AMPH: variants seen among roughly 807,000 people sequenced by gnomAD.
AMPH encodes the protein amphiphysin.
AMPH carries 49 observed loss-of-function variants against 99.1 expected under a neutral mutation model. The observed-to-expected ratio is 0.49, with a 90% confidence interval of 0.39 to 0.63. The LOEUF (loss-of-function observed/expected upper bound fraction) is 0.63. Ranked by LOEUF, AMPH falls within the 20% of genes least tolerant of loss-of-function variation. The pLI, the probability that AMPH is intolerant of heterozygous loss-of-function variation, is 0.00. For synonymous variants in AMPH, 314 were observed against 317.3 expected, an observed-to-expected ratio of 0.99 and a Z score of 0.11; for missense variants, 759 against 863.4, an observed-to-expected ratio of 0.88 and a Z score of 1.52.
intron 11 of AMPH, among the ~76,000 whole-genome samples, chr7:38,446,959 A>C (rs189950209): frequency 6.6e-6 from 1 of 152,340 alleles, no homozygotes; most frequent in Admixed American, 6.5e-5. Context: ...TAAAAATCAT[A>C]AATTAAAAAC....
intron 9 of AMPH, among the ~76,000 whole-genome samples, chr7:38,464,874 C>T (rs1170604079): frequency 1.3e-5 from 2 of 152,092 alleles, no homozygotes; most frequent in Admixed American, 1.3e-4. Context: ...GGTGTGCAGC[C>T]GAACCCTGGC....
chr7:38,503,539 A>G (rs1201349964), intron 3 of AMPH, 111 bp downstream of exon 3: 9 of 1,001,062 alleles, frequency 9.0e-6, no homozygotes, highest in South Asian at 2.9e-5. Context: ...TCAAGCATCC[A>G]TCTTGCCAGG....
chr7:38,421,658 G>A (rs1785584809), intron 16 of AMPH, among the ~76,000 whole-genome samples: 1 of 152,160 alleles, frequency 6.6e-6, no homozygotes, highest in South Asian at 2.1e-4. Flanking sequence ...CATCCAATAT[G>A]AAAGGCAGGA....
chr7:38,386,202 C>T (rs968484053), intron 20 of AMPH, among the ~76,000 whole-genome samples: 1 of 152,174 alleles, frequency 6.6e-6, no homozygotes, highest in African/African-American at 2.4e-5. Flanking sequence ...AAAGTGCCCT[C>T]TTTAAAATTA....
chr7:38,570,982 TTCAATATATATATATTC>T (rs1791940142), intron 1 of AMPH, among the ~76,000 whole-genome samples: 8 of 9,142 alleles, frequency 8.8e-4, no homozygotes, highest in African/African-American at 3.3e-3. Context: ...TATATATATA[TTCAATATATATATATTC>T]ATATATATAG....
chr7:38,607,686 A>C (rs1308779486), intron 1 of AMPH, among the ~76,000 whole-genome samples: 1 of 152,220 alleles, frequency 6.6e-6, no homozygotes, highest in East Asian at 1.9e-4. Flanking sequence ...ATGACTGCAC[A>C]ATAAAATGAA....
chr7:38,442,964 A>G (rs1228121946), intron 11 of AMPH, among the ~76,000 whole-genome samples: 1 of 152,166 alleles, frequency 6.6e-6, no homozygotes, highest in East Asian at 1.9e-4. Context: ...ATCAACATTT[A>G]GCCAGTCTAA....
intron 13 of AMPH, among the ~76,000 whole-genome samples, chr7:38,431,886 C>G (rs58270656): frequency 0.035 from 5,294 of 152,156 alleles, 194 homozygotes; most frequent in South Asian, 0.15. Context: ...GTGTCCTTCA[C>G]TGCAACAGCT....
intron 3 of AMPH, among the ~76,000 whole-genome samples, chr7:38,497,530 C>T (rs1562792015): frequency 6.6e-6 from 1 of 152,154 alleles, no homozygotes; most frequent in Non-Finnish European, 1.5e-5. Context: ...TCCTTTAAGA[C>T]TTGTTGCATA....
At chr7:38,581,769 G>C (rs1240617946) in intron 1 of AMPH, among the ~76,000 whole-genome samples, 1 of 152,150 alleles carries the variant, frequency 6.6e-6, no homozygotes, top group Non-Finnish European at 1.5e-5. Flanking sequence ...ATTTGATGCA[G>C]ATGAGCTTGG....
intron 2 of AMPH, among the ~76,000 whole-genome samples, chr7:38,514,427 A>T (rs966410478): frequency 6.6e-6 from 1 of 152,252 alleles, no homozygotes; most frequent in Non-Finnish European, 1.5e-5. Flanking sequence ...TTCAACATTA[A>T]AGAACTCCTG....
intron 1 of AMPH, among the ~76,000 whole-genome samples, chr7:38,627,110 G>A (rs907813450): frequency 4.6e-5 from 7 of 151,852 alleles, no homozygotes; most frequent in South Asian, 2.1e-4. Context: ...CCTGGCTTTC[G>A]CACTGGCTCA....
chr7:38,436,869 C>A (rs1392864987), intron 11 of AMPH, among the ~76,000 whole-genome samples: 1 of 152,174 alleles, frequency 6.6e-6, no homozygotes, highest in Non-Finnish European at 1.5e-5. Flanking sequence ...CTGACCACAT[C>A]CCAACGGCCT....
At chr7:38,579,748 G>A (rs6948732) in intron 1 of AMPH, among the ~76,000 whole-genome samples, 102,984 of 152,138 alleles carry the variant, frequency 0.68, 35,653 homozygotes, top group African/African-American at 0.79. Flanking sequence ...AATAATCAAA[G>A]TTGATCATGG....
chr7:38,534,465 G>T (rs1390237146), intron 2 of AMPH, among the ~76,000 whole-genome samples: 1 of 152,132 alleles, frequency 6.6e-6, no homozygotes, highest in Non-Finnish European at 1.5e-5. Flanking sequence ...TCGAGTCCAG[G>T]AGTTCAAGAC....
At chr7:38,569,158 C>A (rs1346743286) in intron 1 of AMPH, among the ~76,000 whole-genome samples, 3 of 151,792 alleles carry the variant, frequency 2.0e-5, no homozygotes, top group Non-Finnish European at 1.5e-5. Context: ...ATATAACCTG[C>A]ATCATATGAA....
chr7:38,479,229 G>A (rs1481406634), intron 5 of AMPH, among the ~76,000 whole-genome samples: 14 of 152,132 alleles, frequency 9.2e-5, no homozygotes, highest in South Asian at 2.1e-4. Flanking sequence ...TAAGAATTAC[G>A]GGATGCTAAT....
At position 38,421,065 on chromosome 7, in the gene AMPH, A is replaced by G. The variant is rs114119832; in HGVS notation, c.1272+1356T>C. 2,118 of 456,638 alleles carry G rather than the reference A, an allele frequency of 4.6e-3. 46 individuals carry two copies. Among genetic ancestry groups the G allele is most frequent in the African/African-American group, 0.039 (1,934 of 50,162 alleles). The allele number at this position is 456,638 out of a possible 1,614,324, so 28.3% of individuals were successfully genotyped here. Reference sequence around the variant, plus strand: ...GTTAGCAGCATTTGCAATGCTGAACATGACAAAGCTAAGTTCCCCATGGAA... The same window carrying G: ...GTTAGCAGCATTTGCAATGCTGAACGTGACAAAGCTAAGTTCCCCATGGAA... On this transcript the variant is annotated intron_variant, in intron 16 of 20. Transcript: ENST00000356264.
At position 38,534,417 on chromosome 7, in the gene AMPH, A is replaced by G. The variant is rs149321229; in HGVS notation, c.150+514T>C. Among the ~76,000 whole-genome samples, 878 of 152,324 alleles carry G rather than the reference A, an allele frequency of 5.8e-3. 11 individuals carry two copies. Among genetic ancestry groups the G allele is most frequent in the African/African-American group, 0.02 (835 of 41,560 alleles). The stretch of plus-strand genomic sequence containing the variant: ...ACCGGGCCTGGTAGCTCACACCTGT[A>G]ATCCCAACACTTTGGGAGGCCTAGG... On this transcript the variant is annotated intron_variant, in intron 2 of 20. Transcript: ENST00000356264.
Sources: gnomAD v4.1 joint callset for allele counts (sites outside exome capture counted in the v4.1 genomes callset) on GRCh38, gnomAD v4.1.1 for gene constraint, MANE v1.5 for transcripts, NCBI Gene and HGNC (gene_info 2026-07-23, HGNC 2026-07-21) for gene names.